Variants in H2BC12 observed in about 807,000 individuals in gnomAD.
H2BC12 encodes histone H2B type 1-K.
Under a neutral mutation model 6.3 loss-of-function variants are expected in H2BC12, and 6 were observed. The observed-to-expected ratio is 0.95, with a 90% confidence interval of 0.52 to 1.87. The LOEUF (loss-of-function observed/expected upper bound fraction) is 1.87. Among genes scored for constraint, H2BC12 ranks in the 40% most tolerant of loss-of-function variants. The pLI is 0.01. For missense variants in H2BC12, 119 were observed against 178.4 expected, an observed-to-expected ratio of 0.67 and a Z score of 1.90; for synonymous variants, 132 against 78.5, an observed-to-expected ratio of 1.68 and a Z score of -3.60.
At chr6:27,140,761 A>AT in the H2BC12 span, among the ~76,000 whole-genome samples, 1 of 152,018 alleles carries the variant, frequency 6.6e-6, no homozygotes, top group Non-Finnish European at 1.5e-5. Flanking sequence ...CTATTTGGAG[A>AT]TTTTCCCGCT....
downstream of H2BC12, among the ~76,000 whole-genome samples, chr6:27,145,295 TACACACACAC>T (rs57882884): frequency 4.8e-3 from 683 of 142,710 alleles, 5 homozygotes; most frequent in African/African-American, 0.013. Context: ...ATATGTTAAA[TACACACACAC>T]ACACACACAC....
At chr6:27,145,340 A>C (rs1309520675), downstream of H2BC12, among the ~76,000 whole-genome samples, 2 of 149,312 alleles carry the variant, frequency 1.3e-5, no homozygotes, top group Non-Finnish European at 1.5e-5. Context: ...ACACACACAA[A>C]ATTCCCCTGT....
chr6:27,139,456 C>T, the H2BC12 span: 3 of 1,614,086 alleles, frequency 1.9e-6, no homozygotes, highest in African/African-American at 2.7e-5. Flanking sequence ...CATTTCTGGC[C>T]TCATCTATGA....
At chr6:27,143,486 T>C (rs1206404079), downstream of H2BC12, among the ~76,000 whole-genome samples, 4 of 151,968 alleles carry the variant, frequency 2.6e-5, no homozygotes, top group African/African-American at 9.7e-5. Context: ...AGGCATTGAG[T>C]TGTGAGATTT....
At position 27,146,519 on chromosome 6, in the gene H2BC12, C is replaced by T. The variant is rs1239649035; in HGVS notation, c.280G>A (p.Glu94Lys). Residue 94 changes from glutamate to lysine, a missense_variant, in exon 1 of 1, where the codon GAG (glutamate) becomes AAG (lysine). This residue lies in a region of H2BC12 where 69 missense variants were observed against 141.0 expected (regional missense o/e 0.49). Coordinates refer to ENST00000356950, the MANE Select transcript of H2BC12 (RefSeq NM_001312653.2). ...AGCAGGCGCACGGCCGTCTGGATCT[C>T]CCTGGAGGTGATGGTCGAGCGCTTG... is the stretch of plus-strand genomic sequence containing the variant. ...YNKRSTITSR[E>K]IQTAVRLLLP... 1.2e-6 allele frequency: 2 copies of T among 1,614,250 alleles called. No homozygotes were observed. The highest frequency in any genetic ancestry group is 1.7e-5 in the Admixed American group (1 of 60,026).
rs574690888 is a variant in H2BC12 at position 27,146,825 on chromosome 6, C to G, written c.-27G>C. The stretch of plus-strand genomic sequence containing the variant: ...TTGAAGGCGAACTACGAGCCTGAGA[C>G]GAGCAGCAGATCGAGAAAACGGGAA... On this transcript the variant is annotated 5_prime_UTR_variant, in exon 1 of 1. Transcript: ENST00000356950. 3 of 1,607,486 alleles carry G rather than the reference C, an allele frequency of 1.9e-6. No homozygotes were observed. Among genetic ancestry groups the G allele is most frequent in the Non-Finnish European group, 2.5e-6 (3 of 1,177,000 alleles).
downstream of H2BC12, chr6:27,146,344 C>G (rs1224303929): frequency 1.9e-6 from 3 of 1,605,752 alleles, no homozygotes; most frequent in African/African-American, 1.3e-5. Context: ...GTGTTTACAG[C>G]TCTAATATCG....
rs749033276 is a variant in H2BC12 at position 27,146,829 on chromosome 6, C to T, written c.-31G>A. On this transcript the variant is annotated 5_prime_UTR_variant, in exon 1 of 1. Transcript: ENST00000356950. ...AGGCGAACTACGAGCCTGAGACGAG[C>T]AGCAGATCGAGAAAACGGGAAGTAA... 4 of 1,605,734 alleles carry T rather than the reference C, an allele frequency of 2.5e-6. No individual in the cohort carries two copies. The highest frequency in any genetic ancestry group is 2.2e-5 in the East Asian group (1 of 44,848).
At chr6:27,139,590 G>A in the H2BC12 span, 3 of 1,613,516 alleles carry the variant, frequency 1.9e-6, no homozygotes, top group East Asian at 2.2e-5. Context: ...TCAAGCGCCA[G>A]GGCCGCACCC....
Position 27,146,845 on chromosome 6 carries a change from C to T in H2BC12, c.-47G>A, listed in dbSNP as rs765672161. On this transcript the variant is annotated 5_prime_UTR_variant, in exon 1 of 1. Coordinates refer to ENST00000356950, the MANE Select transcript of H2BC12 (RefSeq NM_001312653.2). ...TGAGACGAGCAGCAGATCGAGAAAACGGGAAGTAATGGGAGCAAGGTACCA... is the reference window on the plus strand; with the variant it reads ...TGAGACGAGCAGCAGATCGAGAAAATGGGAAGTAATGGGAGCAAGGTACCA... 40 of 1,600,288 alleles carry T rather than the reference C, an allele frequency of 2.5e-5. No homozygotes were observed. Among genetic ancestry groups the T allele is most frequent in the Non-Finnish European group, 2.9e-5 (34 of 1,173,706 alleles).
chr6:27,140,640 A>T, the H2BC12 span, among the ~76,000 whole-genome samples: 1 of 151,798 alleles, frequency 6.6e-6, no homozygotes, highest in Non-Finnish European at 1.5e-5. Context: ...TTTGCTTTCC[A>T]GGGTAGTATT....
chr6:27,139,052 A>G, the H2BC12 span: 2 of 421,982 alleles, frequency 4.7e-6, no homozygotes, highest in Non-Finnish European at 8.4e-6. Context: ...CTATAATGTT[A>G]ACATTTTTGT....
chr6:27,144,392 G>A (rs908074546), downstream of H2BC12, among the ~76,000 whole-genome samples: 5 of 149,420 alleles, frequency 3.3e-5, no homozygotes, highest in African/African-American at 9.9e-5. Context: ...AACCTGGGAG[G>A]CGGAGGTTGC....
At position 27,146,851 on chromosome 6, in the gene H2BC12, G is replaced by C; in HGVS notation, c.-53C>G. 1.3e-6 allele frequency: 2 copies of C among 1,596,680 alleles called. No homozygotes were observed. Among genetic ancestry groups the C allele is most frequent in the South Asian group, 2.3e-5 (2 of 88,490 alleles). On this transcript the variant is annotated 5_prime_UTR_variant, in exon 1 of 1. Transcript: ENST00000356950. ...GAGCAGCAGATCGAGAAAACGGGAA[G>C]TAATGGGAGCAAGGTACCAGGAGTC...
At position 27,146,439 on chromosome 6, in the gene H2BC12, G is replaced by A. The variant is rs1245560684; in HGVS notation, c.360C>T (p.Thr120=). 1.9e-6 allele frequency: 3 copies of A among 1,614,244 alleles called. No homozygotes were observed. Among genetic ancestry groups the A allele is most frequent in the African/African-American group, 1.3e-5 (1 of 75,062 alleles). ...AAGTTTACTTAGCGCTGGTGTACTT[G>A]GTGACGGCCTTGGTGCCCTCGGACA... The part of the protein sequence containing the change: ...HAVSEGTKAV[T]KYTSAK The change falls in exon 1 of 1, where the codon ACC becomes ACT. Residue 120 remains threonine, a synonymous_variant. Coordinates refer to ENST00000356950, the MANE Select transcript of H2BC12 (RefSeq NM_001312653.2).
In H2BC12 at chr6:27,146,454, G is replaced by A. The variant is rs968031238; in HGVS notation, c.345C>T (p.Gly115=). 14 of 1,614,124 alleles carry A rather than the reference G, an allele frequency of 8.7e-6. No individual in the cohort carries two copies. Among genetic ancestry groups the A allele is most frequent in the Admixed American group, 3.3e-5 (2 of 60,008 alleles). ...GELAKHAVSE[G]TKAVTKYTSA... is the part of the protein sequence containing the mutation. Reference sequence around the variant, plus strand: ...TGGTGTACTTGGTGACGGCCTTGGTGCCCTCGGACACGGCGTGCTTGGCCA... The same window carrying A: ...TGGTGTACTTGGTGACGGCCTTGGTACCCTCGGACACGGCGTGCTTGGCCA... The change falls in exon 1 of 1, where the codon GGC becomes GGT. Residue 115 remains glycine, a synonymous_variant. Coordinates refer to ENST00000356950, the MANE Select transcript of H2BC12 (RefSeq NM_001312653.2).
chr6:27,139,163 G>A, the H2BC12 span: 5 of 785,060 alleles, frequency 6.4e-6, no homozygotes, highest in African/African-American at 8.7e-5. Flanking sequence ...AGCACAGCAG[G>A]CCTGTTTCCC....
At chr6:27,138,544 G>A in the H2BC12 span, 2 of 152,240 alleles carry the variant, frequency 1.3e-5, no homozygotes, top group Non-Finnish European at 2.9e-5. Flanking sequence ...GCTTTAGCTT[G>A]TGGAAAAGTC....
the H2BC12 span, chr6:27,139,614 C>A: frequency 1.9e-6 from 3 of 1,607,346 alleles, no homozygotes. Flanking sequence ...ATGGCTTCGG[C>A]GGCTAAATGG....
Sources: allele counts gnomAD v4.1 joint callset (sites outside exome capture counted in the v4.1 genomes callset), GRCh38; gene constraint gnomAD v4.1.1; regional missense constraint gnomAD v4.1.1; transcripts MANE v1.5; gene names NCBI Gene and HGNC (gene_info 2026-07-23, HGNC 2026-07-21).